Variants in DGAT2 observed in about 807,000 individuals in gnomAD.
DGAT2 encodes the protein acyl-CoA retinol O-fatty-acyltransferase.
Under a neutral mutation model 48.4 loss-of-function variants are expected in DGAT2, and 33 were observed. The observed-to-expected ratio is 0.68, with a 90% CI of 0.52 to 0.91. DGAT2 has a LOEUF of 0.91. Among genes scored for constraint, DGAT2 ranks in the 40% least tolerant of loss-of-function variants. The probability of loss-of-function intolerance (pLI) is 0.00; values close to 1 mark genes in which losing one functional copy is unlikely to be tolerated. For synonymous variants in DGAT2, 191 were observed against 194.1 expected (o/e 0.98, Z 0.13); for missense variants, 446 against 493.7 (o/e 0.90, Z 0.92).
At chr11:75,773,021 A>C (rs1944772969) in intron 1 of DGAT2, among the ~76,000 whole-genome samples, 1 of 152,208 alleles carries the variant, frequency 6.6e-6, no homozygotes, top group Non-Finnish European at 1.5e-5. Context: ...ACAGAAAAAG[A>C]ATATGAGTCC....
At chr11:75,770,233 C>A (rs973231730) in intron 1 of DGAT2, among the ~76,000 whole-genome samples, 2 of 152,170 alleles carry the variant, frequency 1.3e-5, no homozygotes, top group Admixed American at 6.5e-5. Flanking sequence ...GAATCACTTA[C>A]AATGTCCTAG....
chr11:75,771,893 C>T (rs555584387), intron 1 of DGAT2, among the ~76,000 whole-genome samples: 97 of 152,238 alleles, frequency 6.4e-4, no homozygotes, highest in Non-Finnish European at 1.2e-3. Context: ...CCCTCCTGCC[C>T]TCAAATTCAA....
intron 1 of DGAT2, among the ~76,000 whole-genome samples, chr11:75,781,178 C>T (rs192124590): frequency 6.6e-6 from 1 of 152,368 alleles, no homozygotes; most frequent in Admixed American, 6.5e-5. Context: ...GGCAAGATAG[C>T]CCCTGGCAAT....
intron 2 of DGAT2, among the ~76,000 whole-genome samples, chr11:75,787,959 T>A (rs1453247938): frequency 6.6e-6 from 1 of 152,180 alleles, no homozygotes; most frequent in Non-Finnish European, 1.5e-5. Context: ...CCTCTTCTTC[T>A]CCATCCAGGC....
intron 2 of DGAT2, among the ~76,000 whole-genome samples, chr11:75,787,451 C>A (rs1944933596): frequency 6.6e-6 from 1 of 152,224 alleles, no homozygotes; most frequent in South Asian, 2.1e-4. Flanking sequence ...CTGCCCTGCA[C>A]CACAGGCCTC....
chr11:75,780,065 T>C (rs1944844697), intron 1 of DGAT2, among the ~76,000 whole-genome samples: 1 of 152,192 alleles, frequency 6.6e-6, no homozygotes, highest in Admixed American at 6.5e-5. Context: ...ACATTGGTGC[T>C]GTGGGAGTGT....
chr11:75,790,100 T>C lies in DGAT2; in HGVS notation c.251-88T>C, dbSNP rs957489095. ...ATGGCCCTGGGTGTGCCTAGCTTAGTGCCACAGTAAACACTCACTCCATCC... is the reference window on the plus strand; with the variant it reads ...ATGGCCCTGGGTGTGCCTAGCTTAGCGCCACAGTAAACACTCACTCCATCC... On this transcript the variant is annotated intron_variant, in intron 2 of 7. Transcript: ENST00000228027. The C allele has an allele frequency of 1.4e-4, 139 of 967,182 alleles. 1 individual carries two copies. The South Asian group carries it at 1.7e-3, about 12-fold the overall frequency. The allele number at this position is 967,182 out of a possible 1,614,324, so 59.9% of individuals were successfully genotyped here.
At chr11:75,788,419 C>T (rs1313049094) in intron 2 of DGAT2, among the ~76,000 whole-genome samples, 1 of 152,220 alleles carries the variant, frequency 6.6e-6, no homozygotes, top group Non-Finnish European at 1.5e-5. Flanking sequence ...CGATGTCACA[C>T]CCCTAAGCTG....
intron 4 of DGAT2, 120 bp from the exon 5 acceptor site, chr11:75,796,208 C>A: frequency 1.2e-6 from 1 of 808,142 alleles, no homozygotes; most frequent in Non-Finnish European, 2.0e-6. Context: ...AGATTCATTG[C>A]AGCCCTCAGG....
intron 1 of DGAT2, among the ~76,000 whole-genome samples, chr11:75,782,746 C>A (rs1018059322): frequency 2.6e-5 from 4 of 152,220 alleles, no homozygotes; most frequent in Non-Finnish European, 1.5e-5. Context: ...TGAGCATGAC[C>A]CTCCGACTGT....
In DGAT2 at chr11:75,768,925, G is replaced by C; in HGVS notation, c.-67G>C. ...GCGCGAAGCCCTGGCCCCGGGGGCCGGGGCATGGGCCAGGGGCGCGGGGTG... is the reference window on the plus strand; with the variant it reads ...GCGCGAAGCCCTGGCCCCGGGGGCCCGGGCATGGGCCAGGGGCGCGGGGTG... On this transcript the variant is annotated 5_prime_UTR_variant, in exon 1 of 8. Coordinates refer to ENST00000228027, the MANE Select transcript of DGAT2 (RefSeq NM_032564.5). The C allele has an allele frequency of 7.3e-7, 1 of 1,369,330 alleles. No homozygotes were observed. The highest frequency in any genetic ancestry group is 9.4e-7 in the Non-Finnish European group (1 of 1,065,378). 84.8% of individuals were successfully genotyped at this position (1,369,330 alleles called of 1,614,324 possible).
At chr11:75,778,902 C>A (rs1382543366) in intron 1 of DGAT2, among the ~76,000 whole-genome samples, 2 of 151,910 alleles carry the variant, frequency 1.3e-5, no homozygotes, top group Admixed American at 6.6e-5. Context: ...TCACCCTCAT[C>A]CTATAGATAA....
At chr11:75,781,915 AT>A (rs1944868684) in intron 1 of DGAT2, among the ~76,000 whole-genome samples, 1 of 152,128 alleles carries the variant, frequency 6.6e-6, no homozygotes, top group Non-Finnish European at 1.5e-5. Context: ...AGAGATTTGG[AT>A]TAGGCACGAT....
intron 1 of DGAT2, chr11:75,773,957 G>A (rs1303531887): frequency 6.6e-6 from 1 of 152,298 alleles, no homozygotes; most frequent in African/African-American, 2.4e-5. Context: ...CATAAATAGA[G>A]GCATGAGATT....
At position 75,796,456 on chromosome 11, in the gene DGAT2, A is replaced by C; in HGVS notation, c.558A>C (p.Pro186=). 6.2e-7 allele frequency: 1 copy of C among 1,614,034 alleles called. No homozygotes were observed. Among genetic ancestry groups the C allele is most frequent in the Non-Finnish European group, 8.5e-7 (1 of 1,180,016 alleles). The change falls in exon 5 of 8, where the codon CCA becomes CCC. Residue 186 remains proline, a synonymous_variant. Coordinates refer to ENST00000228027, the MANE Select transcript of DGAT2 (RefSeq NM_032564.5). ...TEATEVSKKF[P]GIRPYLATLA... ...CCACAGAAGTGAGCAAGAAGTTCCC[A>C]GGCATACGGCCTTACCTGGCTACAC... is the stretch of plus-strand genomic sequence containing the variant.
chr11:75,795,017 C>G (rs1284454474), intron 4 of DGAT2: 1 of 148,866 alleles, frequency 6.7e-6, no homozygotes, highest in African/African-American at 2.5e-5. Flanking sequence ...TCTCCTCTCC[C>G]TTCTCTCCTT....
At chr11:75,775,317 T>A (rs1178908754) in intron 1 of DGAT2, among the ~76,000 whole-genome samples, 1 of 152,172 alleles carries the variant, frequency 6.6e-6, no homozygotes, top group Non-Finnish European at 1.5e-5. Flanking sequence ...GGACTGACAG[T>A]GCCTGCAGGG....
At chr11:75,783,055 C>G (rs564532030) in intron 1 of DGAT2, among the ~76,000 whole-genome samples, 4 of 152,318 alleles carry the variant, frequency 2.6e-5, no homozygotes, top group East Asian at 1.9e-4. Context: ...TGAGGCAGAC[C>G]TCTGGAATGG....
At position 75,769,099 on chromosome 11, in the gene DGAT2, G is replaced by C. The variant is rs767448994; in HGVS notation, c.108G>C (p.Gly36=). ...SHGGPALSRE[G]SGRWGTGSSI... is the part of the protein sequence containing the mutation. ...GAGGACCTGCGCTGTCGCGCGAGGG[G>C]TCTGGGAGATGGGGTGAGTGCCACG... Residue 36 remains glycine (G), a synonymous_variant, in exon 1 of 8, where the codon GGG becomes GGC. Transcript: ENST00000228027. The C allele has an allele frequency of 2.1e-5, 33 of 1,568,974 alleles. No individual in the cohort carries two copies. Among genetic ancestry groups the C allele is most frequent in the Non-Finnish European group, 2.8e-5 (32 of 1,162,874 alleles).
Sources: allele counts gnomAD v4.1 joint callset (sites outside exome capture counted in the v4.1 genomes callset), GRCh38; gene constraint gnomAD v4.1.1; transcripts MANE v1.5; gene names NCBI Gene and HGNC (gene_info 2026-07-23, HGNC 2026-07-21).